Variants in MACROD1 observed in about 807,000 individuals in gnomAD.
The protein encoded by MACROD1 is ADP-ribose glycohydrolase MACROD1.
A neutral mutation model predicts 41.4 loss-of-function variants in MACROD1; 31 were observed. That is an observed-to-expected ratio of 0.75 (90% CI 0.56 to 1.01). MACROD1 has a LOEUF of 1.01. MACROD1 is among the 50% of genes least tolerant of loss of function. MACROD1 has a pLI of 0.00. For missense variants in MACROD1, 473 were observed against 460.0 expected, an observed-to-expected ratio of 1.03 and a Z score of -0.26; for synonymous variants, 252 against 203.4, an observed-to-expected ratio of 1.24 and a Z score of -2.03.
rs1942799643 is a variant in MACROD1, at chr11:64,000,294, G to GC, written c.596dup (p.Cys199TrpfsTer8). The GC allele has an allele frequency of 6.3e-7, 1 of 1,598,674 alleles. No homozygotes were observed. The highest frequency in any genetic ancestry group is 1.3e-5 in the African/African-American group (1 of 74,468). On this transcript the variant is annotated frameshift_variant, in exon 5 of 11. Transcript: ENST00000255681. LOFTEE classifies it high-confidence loss of function. The stretch of plus-strand genomic sequence containing the variant: ...CAGTCTTACAGCTCTGCAGGGTCCG[G>GC]CACTCGTCGGTAAGCAGGGGGCCGG...
intron 3 of MACROD1, among the ~76,000 whole-genome samples, chr11:64,089,246 C>T (rs1192081428): frequency 1.3e-5 from 2 of 152,144 alleles, no homozygotes; most frequent in Non-Finnish European, 2.9e-5. Flanking sequence ...GCCCCGGGCT[C>T]TGGGTGGGGG....
chr11:64,144,734 C>T (rs1004202616), intron 3 of MACROD1, among the ~76,000 whole-genome samples: 3 of 152,230 alleles, frequency 2.0e-5, no homozygotes, highest in East Asian at 3.9e-4. Flanking sequence ...CTGGACTCGT[C>T]GCTGGCCCGG....
At chr11:64,091,068 TGAG>T (rs572894834) in intron 3 of MACROD1, among the ~76,000 whole-genome samples, 2 of 118,318 alleles carry the variant, frequency 1.7e-5, no homozygotes, top group African/African-American at 6.5e-5. Flanking sequence ...GAAGAGAAGA[TGAG>T]GAGGGACATG....
intron 3 of MACROD1, among the ~76,000 whole-genome samples, chr11:64,081,535 C>T (rs566098589): frequency 4.7e-4 from 71 of 152,236 alleles, no homozygotes; most frequent in African/African-American, 1.5e-3. Context: ...AACACCCCCC[C>T]GACCCCATCG....
intron 4 of MACROD1, 28 bp downstream of exon 4, chr11:64,015,223 AC>A (rs764080374): frequency 6.3e-7 from 1 of 1,576,862 alleles, no homozygotes; most frequent in Admixed American, 1.8e-5. Context: ...GCCACACCCC[AC>A]CCCCACCAAG....
At chr11:64,089,173 G>A (rs972473531) in intron 3 of MACROD1, among the ~76,000 whole-genome samples, 3 of 152,182 alleles carry the variant, frequency 2.0e-5, no homozygotes, top group African/African-American at 2.4e-5. Context: ...AGGGCGGGTC[G>A]GGGAGTGATC....
Position 64,036,648 on chromosome 11 carries a change from G to C in MACROD1, c.518-21367C>G, listed in dbSNP as rs895142428. The stretch of plus-strand genomic sequence containing the variant: ...CAGCCGCGTGAGTCACGGTTGGAGC[G>C]AGGTTTTATTTTTAAAACGACTTCA... On this transcript the variant is annotated intron_variant, in intron 3 of 10. Transcript: ENST00000255681. The surrounding 1 kb of genome is among the most constrained non-coding windows in gnomAD (Gnocchi z 5.6). Among the ~76,000 whole-genome samples, 1 of 152,196 alleles carries C rather than the reference G, an allele frequency of 6.6e-6. No homozygotes were observed. The highest frequency in any genetic ancestry group is 2.4e-5 in the African/African-American group (1 of 41,468).
At chr11:64,033,308 T>G (rs1943318272) in intron 3 of MACROD1, among the ~76,000 whole-genome samples, 2 of 152,220 alleles carry the variant, frequency 1.3e-5, no homozygotes, top group African/African-American at 4.8e-5. Context: ...TCCCCCGAAC[T>G]GTGCACAGCC....
intron 3 of MACROD1, chr11:64,035,921 C>T (rs1943370073): frequency 6.8e-6 from 1 of 146,806 alleles, no homozygotes; most frequent in East Asian, 2.0e-4. Flanking sequence ...CGCCGCTGGA[C>T]GCACCCCCCG....
At chr11:64,152,231 A>G (rs989069814) in intron 2 of MACROD1, 61 bp downstream of exon 2, 24 of 1,464,750 alleles carry the variant, frequency 1.6e-5, no homozygotes, top group Middle Eastern at 3.4e-4. Flanking sequence ...TTGTCTGCAC[A>G]ATTCTCCCAA....
In MACROD1 at chr11:64,146,656, C is replaced by T. The variant is rs993633759; in HGVS notation, c.517+4583G>A. 6.6e-6 allele frequency among the ~76,000 whole-genome samples: 1 copy of T among 152,120 alleles called. No homozygotes were observed. Among genetic ancestry groups the T allele is most frequent in the African/African-American group, 2.4e-5 (1 of 41,422 alleles). ...ACTTCTATGCTTCTGCCCAACCTCC[C>T]ACCTCACTCCCACCACATCCCATAC... is the stretch of plus-strand genomic sequence containing the variant. On this transcript the variant is annotated intron_variant, in intron 3 of 10. Coordinates refer to ENST00000255681, the MANE Select transcript of MACROD1 (RefSeq NM_014067.4). The surrounding 1 kb of genome is among the most constrained non-coding windows in gnomAD (Gnocchi z 4.7).
At chr11:64,076,743 C>T (rs1041184648) in intron 3 of MACROD1, among the ~76,000 whole-genome samples, 1 of 152,188 alleles carries the variant, frequency 6.6e-6, no homozygotes, top group South Asian at 2.1e-4. Context: ...GACAACACTG[C>T]GATGAGCATG....
In MACROD1 at chr11:64,030,923, TG is replaced by T. The variant is rs754032370; in HGVS notation, c.518-15643del. ...GGAAGGTGGGTGGGTGGTGGGGATG[TG>T]GGGGTTAGGGAGGCCTTTCTGATGA... On this transcript the variant is annotated intron_variant, in intron 3 of 10. Coordinates refer to ENST00000255681, the MANE Select transcript of MACROD1 (RefSeq NM_014067.4). Among the ~76,000 whole-genome samples the T allele has an allele frequency of 3.4e-5, 5 of 147,276 alleles. No homozygotes were observed. In the East Asian group the frequency reaches 6.0e-4, roughly 18 times the overall value.
In MACROD1 at chr11:64,000,253, G is replaced by T. The variant is rs149397471; in HGVS notation, c.638C>A (p.Thr213Asn). Reference sequence around the variant, plus strand: ...CTTGGCCGGGAGCCGATAGCCGCCGGTGATCTTGGCCTTGCCAGTCTTACA... The same window carrying T: ...CTTGGCCGGGAGCCGATAGCCGCCGTTGATCTTGGCCTTGCCAGTCTTACA... ...QSCKTGKAKI[T>N]GGYRLPAKYV... is the part of the protein sequence containing the mutation. Residue 213 changes from threonine to asparagine, a missense_variant, in exon 5 of 11, where the codon ACC becomes AAC. Physicochemically the swap from Thr to Asn is moderately conservative, Grantham distance 65 (BLOSUM62 0). Transcript: ENST00000255681. The T allele has an allele frequency of 1.9e-6, 3 of 1,607,136 alleles. No homozygotes were observed. The highest frequency in any genetic ancestry group is 2.7e-5 in the African/African-American group (2 of 74,790).
At position 64,002,516 on chromosome 11, in the gene MACROD1, C is replaced by T. The variant is rs536759518; in HGVS notation, c.548-2173G>A. On this transcript the variant is annotated intron_variant, in intron 4 of 10. Coordinates refer to ENST00000255681, the MANE Select transcript of MACROD1 (RefSeq NM_014067.4). ...GCTCTGCAGGGGCCCCAGGGAGGGGCTCCCCTAAAGCAGAGATGAGGGACA... is the reference window on the plus strand; with the variant it reads ...GCTCTGCAGGGGCCCCAGGGAGGGGTTCCCCTAAAGCAGAGATGAGGGACA... 3.3e-5 allele frequency among the ~76,000 whole-genome samples: 5 copies of T among 152,250 alleles called. No individual in the cohort carries two copies. In the South Asian group the frequency reaches 1.0e-3, roughly 32 times the overall value.
At chr11:64,059,098 T>C (rs948815244) in intron 3 of MACROD1, among the ~76,000 whole-genome samples, 5 of 152,188 alleles carry the variant, frequency 3.3e-5, no homozygotes, top group African/African-American at 4.8e-5. Flanking sequence ...ACATGGAAAT[T>C]TGACCAGTGC....
rs1461678103 is a variant in MACROD1, at chr11:64,090,874, T to A, written c.517+60365A>T. On this transcript the variant is annotated intron_variant, in intron 3 of 10. Coordinates refer to ENST00000255681, the MANE Select transcript of MACROD1 (RefSeq NM_014067.4). The surrounding 1 kb of genome is among the most constrained non-coding windows in gnomAD (Gnocchi z 4.7). The stretch of plus-strand genomic sequence containing the variant: ...TCCCAGGGAGCCCTGAGGGACGAAG[T>A]AAAGCAGGAGAGGGCAGGGGGAGGG... 2.6e-5 allele frequency among the ~76,000 whole-genome samples: 4 copies of A among 151,654 alleles called. No homozygotes were observed. Among genetic ancestry groups the A allele is most frequent in the Non-Finnish European group, 5.9e-5 (4 of 67,902 alleles).
At chr11:64,045,215 G>A (rs952476912) in intron 3 of MACROD1, among the ~76,000 whole-genome samples, 7 of 152,152 alleles carry the variant, frequency 4.6e-5, no homozygotes, top group African/African-American at 7.2e-5. Flanking sequence ...TGGTGCCCTC[G>A]GGAGGAGTGG....
intron 3 of MACROD1, among the ~76,000 whole-genome samples, chr11:64,065,092 C>T (rs766396177): frequency 6.6e-5 from 10 of 152,200 alleles, no homozygotes; most frequent in South Asian, 2.1e-4. Context: ...CCAGACTCGG[C>T]GGCCTCGGAG....
Sources: allele counts gnomAD v4.1 joint callset (sites outside exome capture counted in the v4.1 genomes callset), GRCh38; gene constraint gnomAD v4.1.1; non-coding constraint Gnocchi (gnomAD v3.1); transcripts MANE v1.5; gene names NCBI Gene and HGNC (gene_info 2026-07-23, HGNC 2026-07-21).